The following DPP10 variants were observed in gnomAD, a reference collection of about 807,000 sequenced individuals.
DPP10 encodes the protein inactive dipeptidyl peptidase 10.
DPP10 carries 33 observed loss-of-function variants against 120.9 expected under a neutral mutation model. The observed-to-expected ratio is 0.27, with a 90% CI of 0.21 to 0.37. The LOEUF is 0.37. DPP10 is among the 10% of genes least tolerant of loss of function. The pLI is 1.00. For missense variants in DPP10, 816 were observed against 942.8 expected (o/e 0.87, Z 1.76); for synonymous variants, 337 against 326.1 (o/e 1.03, Z -0.36).
At chr2:114,955,420 G>T (rs1035583249) in intron 1 of DPP10, among the ~76,000 whole-genome samples, 1 of 152,188 alleles carries the variant, frequency 6.6e-6, no homozygotes. Context: ...ATGCAGCCCA[G>T]TGGGTTTCAG....
At chr2:114,653,649 G>A (rs1481336335) in intron 1 of DPP10, among the ~76,000 whole-genome samples, 1 of 152,150 alleles carries the variant, frequency 6.6e-6, no homozygotes, top group South Asian at 2.1e-4. Context: ...AGTTCTCAGT[G>A]TCCTTCAATA....
intron 1 of DPP10, among the ~76,000 whole-genome samples, chr2:115,183,906 C>T (rs1053915837): frequency 2.6e-5 from 4 of 152,136 alleles, no homozygotes; most frequent in Admixed American, 2.0e-4. Flanking sequence ...GGCTGTGTTT[C>T]ATGGGGGCCT....
At chr2:114,748,405 A>AT (rs70941005) in intron 1 of DPP10, among the ~76,000 whole-genome samples, 8,304 of 110,366 alleles carry the variant, frequency 0.075, 504 homozygotes, top group African/African-American at 0.17. Context: ...TTTATTTTAA[A>AT]TTTTTTTTTT....
At chr2:115,732,213 T>C (rs1489266793) in intron 8 of DPP10, among the ~76,000 whole-genome samples, 1 of 152,172 alleles carries the variant, frequency 6.6e-6, no homozygotes, top group Non-Finnish European at 1.5e-5. Flanking sequence ...AAATTTACCT[T>C]TTGTAAATGT....
In DPP10 at chr2:114,986,563, C is replaced by A. The variant is rs570901096; in HGVS notation, c.61-322676C>A. ...TGATCATGATTTTAACTGCCACTAC[C>A]AATCAAATCTGAAGGTCCATTTATT... On this transcript the variant is annotated intron_variant, in intron 1 of 25. Transcript: ENST00000410059. Among the ~76,000 whole-genome samples the A allele has an allele frequency of 1.6e-3, 246 of 152,162 alleles. 1 individual carries two copies. The highest frequency in any genetic ancestry group is 5.7e-3 in the African/African-American group (237 of 41,510).
chr2:115,575,839 T>C (rs983945275), intron 5 of DPP10, among the ~76,000 whole-genome samples: 1 of 152,068 alleles, frequency 6.6e-6, no homozygotes, highest in East Asian at 1.9e-4. Flanking sequence ...TTCTAAGAGA[T>C]GTAATAAAGC....
At chr2:115,588,503 G>A (rs1225687713) in intron 5 of DPP10, among the ~76,000 whole-genome samples, 1 of 152,122 alleles carries the variant, frequency 6.6e-6, no homozygotes, top group African/African-American at 2.4e-5. Flanking sequence ...ACCTTCCTAA[G>A]AAACAGACAT....
At chr2:115,536,926 G>T (rs564873062) in intron 5 of DPP10, among the ~76,000 whole-genome samples, 1 of 152,128 alleles carries the variant, frequency 6.6e-6, no homozygotes, top group South Asian at 2.1e-4. Context: ...TAGATGAGTA[G>T]AATTAGCAAG....
At chr2:115,299,811 GATT>G (rs1300587166) in intron 1 of DPP10, among the ~76,000 whole-genome samples, 2 of 151,848 alleles carry the variant, frequency 1.3e-5, no homozygotes, top group Admixed American at 6.6e-5. Flanking sequence ...TATTTTATAT[GATT>G]ATTTTTCCAT....
intron 3 of DPP10, among the ~76,000 whole-genome samples, chr2:115,447,461 G>A (rs986567668): frequency 6.6e-6 from 1 of 152,102 alleles, no homozygotes; most frequent in Non-Finnish European, 1.5e-5. Context: ...ATTTGGGAGG[G>A]GCTAGGGGTG....
At chr2:115,125,559 T>C (rs892910342) in intron 1 of DPP10, among the ~76,000 whole-genome samples, 7 of 147,140 alleles carry the variant, frequency 4.8e-5, no homozygotes, top group Non-Finnish European at 8.9e-5. Flanking sequence ...GTTCAATAGA[T>C]CATAATGGCT....
At chr2:115,792,486 C>G (rs78808218) in intron 19 of DPP10, among the ~76,000 whole-genome samples, 1,792 of 152,098 alleles carry the variant, frequency 0.012, 20 homozygotes, top group African/African-American at 0.039. Flanking sequence ...CTCTAGTGTT[C>G]ATTTCTAATT....
At chr2:115,301,862 C>A (rs1174352271) in intron 1 of DPP10, among the ~76,000 whole-genome samples, 2 of 152,060 alleles carry the variant, frequency 1.3e-5, no homozygotes, top group Non-Finnish European at 2.9e-5. Context: ...TAACACCACA[C>A]AATATATTAA....
chr2:115,200,833 C>T (rs373789972), intron 1 of DPP10, among the ~76,000 whole-genome samples: 35 of 152,186 alleles, frequency 2.3e-4, no homozygotes, highest in African/African-American at 7.2e-4. Context: ...TAATTTAAAC[C>T]GAGGTGCTAC....
chr2:115,142,936 G>GT (rs1487542109), intron 1 of DPP10, among the ~76,000 whole-genome samples: 1 of 152,138 alleles, frequency 6.6e-6, no homozygotes, highest in African/African-American at 2.4e-5. Flanking sequence ...TTGTCTAGTT[G>GT]TTTGAGTTTG....
At chr2:115,737,217 G>T (rs1676661681) in intron 8 of DPP10, among the ~76,000 whole-genome samples, 1 of 152,004 alleles carries the variant, frequency 6.6e-6, no homozygotes. Context: ...TGTGAGATGA[G>T]GAGAGGGGAT....
chr2:115,609,467 AT>A, intron 5 of DPP10, among the ~76,000 whole-genome samples: 1 of 152,212 alleles, frequency 6.6e-6, no homozygotes, highest in Middle Eastern at 3.4e-3. Context: ...CCAGGATTCC[AT>A]TTTTTAGCAG....
At chr2:115,106,411 T>G (rs2048945738) in intron 1 of DPP10, among the ~76,000 whole-genome samples, 1 of 152,168 alleles carries the variant, frequency 6.6e-6, no homozygotes, top group South Asian at 2.1e-4. Flanking sequence ...TTTCTTAAAC[T>G]AGGACTGCAT....
intron 1 of DPP10, among the ~76,000 whole-genome samples, chr2:114,622,994 G>A (rs953545494): frequency 3.3e-5 from 5 of 152,078 alleles, no homozygotes; most frequent in East Asian, 1.9e-4. Flanking sequence ...GAGGTGACAG[G>A]ATGAACCAAG....
Sources: allele counts gnomAD v4.1 joint callset (sites outside exome capture counted in the v4.1 genomes callset), GRCh38; gene constraint gnomAD v4.1.1; transcripts MANE v1.5; gene names NCBI Gene and HGNC (gene_info 2026-07-23, HGNC 2026-07-21).